The following ITGAE variants were observed in gnomAD, a reference collection of about 807,000 sequenced individuals.
ITGAE encodes the protein integrin subunit alpha E, also known as integrin alpha-E.
Under a neutral mutation model 136.5 loss-of-function variants are expected in ITGAE, and 99 were observed. The observed-to-expected ratio is 0.73, with a 90% confidence interval of 0.62 to 0.86. The LOEUF is 0.86. Among genes scored for constraint, ITGAE ranks in the 40% least tolerant of loss-of-function variants. The pLI is 0.00. For missense variants in ITGAE, 1,447 were observed against 1,515.3 expected, an observed-to-expected ratio of 0.95 and a Z score of 0.75; for synonymous variants, 613 against 591.8, an observed-to-expected ratio of 1.04 and a Z score of -0.52.
intron 12 of ITGAE, among the ~76,000 whole-genome samples, 165 bp downstream of exon 12, chr17:3,754,952 A>G (rs192871529): frequency 0.04 from 3,414 of 84,994 alleles, 179 homozygotes; most frequent in African/African-American, 0.097. Context: ...TCGCCCAGGT[A>G]GCCTCCAGGC....
chr17:3,729,721 A>G, intron 23 of ITGAE, 166 bp from the exon 24 acceptor site: 1 of 584,920 alleles, frequency 1.7e-6, no homozygotes, highest in Admixed American at 2.4e-5. Context: ...CAGCCTCCTG[A>G]GTAGCTGGAA....
At chr17:3,797,401 A>AG (rs2053145142) in intron 1 of ITGAE, among the ~76,000 whole-genome samples, 2 of 149,912 alleles carry the variant, frequency 1.3e-5, no homozygotes, top group African/African-American at 4.9e-5. Flanking sequence ...TCCTGACCTC[A>AG]TGATCTGCCC....
intron 1 of ITGAE, among the ~76,000 whole-genome samples, chr17:3,797,130 C>T (rs1356323318): frequency 6.9e-6 from 1 of 144,882 alleles, no homozygotes; most frequent in Non-Finnish European, 1.5e-5. Flanking sequence ...CTACTGTGTG[C>T]TGGAAACTAA....
At chr17:3,747,250 G>C (rs977331423) in intron 17 of ITGAE, among the ~76,000 whole-genome samples, 1 of 152,220 alleles carries the variant, frequency 6.6e-6, no homozygotes, top group African/African-American at 2.4e-5. Context: ...AGAAAGAGGA[G>C]GGTGTGTCTC....
At chr17:3,758,986 G>A (rs1240577767) in intron 8 of ITGAE, among the ~76,000 whole-genome samples, 3 of 151,870 alleles carry the variant, frequency 2.0e-5, no homozygotes, top group Non-Finnish European at 2.9e-5. Context: ...TTAACTGGGC[G>A]TGGTGGTGGC....
rs374610199 is a variant in ITGAE at position 3,750,399 on chromosome 17, G to A, written c.1977C>T (p.Gly659=). 9 of 1,614,190 alleles carry A rather than the reference G, an allele frequency of 5.6e-6. No individual in the cohort carries two copies. The highest frequency in any genetic ancestry group is 1.7e-5 in the Admixed American group (1 of 60,020). Residue 659 remains glycine (G), a synonymous_variant, in exon 16 of 31, where the codon GGC becomes GGT. Coordinates refer to ENST00000263087, the MANE Select transcript of ITGAE (RefSeq NM_002208.5). The part of the protein sequence containing the change: ...MAGGFDISGD[G]LADITVGTLG... ...GAGTGCCCACGGTGATGTCGGCAAG[G>A]CCGTCGCCACTAATATCAAAGCCAC...
intron 9 of ITGAE, among the ~76,000 whole-genome samples, 186 bp from the exon 10 acceptor site, chr17:3,757,320 A>C (rs1050701476): frequency 6.6e-6 from 1 of 151,950 alleles, no homozygotes; most frequent in Non-Finnish European, 1.5e-5. Flanking sequence ...ACCAAAGTAC[A>C]CCTGTTCTCC....
At chr17:3,767,476 A>G (rs1195092708) in intron 2 of ITGAE, among the ~76,000 whole-genome samples, 1 of 151,906 alleles carries the variant, frequency 6.6e-6, no homozygotes, top group Non-Finnish European at 1.5e-5. Context: ...CAGGTGATCC[A>G]CCCACCTCAG....
At chr17:3,726,840 C>T (rs1457307726) in intron 26 of ITGAE, 1 of 152,054 alleles carries the variant, frequency 6.6e-6, no homozygotes, top group Non-Finnish European at 1.5e-5. Flanking sequence ...ATTCTCCTAC[C>T]TCAGCCTCCC....
Position 3,739,802 on chromosome 17 carries a change from C to T in ITGAE, c.2522+3G>A, listed in dbSNP as rs771232079. ...AGGAAACTGACGGCTATGTCCAACT[C>T]ACTGAGAGACGGTGGTGGCCAACTG... On this transcript the variant is annotated splice_donor_region_variant and intron_variant, in intron 20 of 30. Transcript: ENST00000263087. 1 of 1,613,794 alleles carries T rather than the reference C, an allele frequency of 6.2e-7. No individual in the cohort carries two copies. The highest frequency in any genetic ancestry group is 8.5e-7 in the Non-Finnish European group (1 of 1,179,626).
intron 29 of ITGAE, among the ~76,000 whole-genome samples, chr17:3,718,581 CTG>C (rs2050985632): frequency 6.6e-6 from 1 of 152,186 alleles, no homozygotes; most frequent in Non-Finnish European, 1.5e-5. Flanking sequence ...CATAGAGTCA[CTG>C]TAAGTCAGGG....
At position 3,800,662 on chromosome 17, in the gene ITGAE, C is replaced by T. The variant is rs111767398; in HGVS notation, c.34+449G>A. ...ACACCCTCTACCATACAGACACTTG[C>T]CCCCAGTCTCTGGTCAACACTCTCT... On this transcript the variant is annotated intron_variant, in intron 1 of 30. Coordinates refer to ENST00000263087, the MANE Select transcript of ITGAE (RefSeq NM_002208.5). 7.1e-3 allele frequency among the ~76,000 whole-genome samples: 1,089 copies of T among 152,314 alleles called. 11 individuals carry two copies. Among genetic ancestry groups the T allele is most frequent in the African/African-American group, 0.024 (1,004 of 41,564 alleles).
At chr17:3,769,320 C>T (rs1468931756) in intron 2 of ITGAE, among the ~76,000 whole-genome samples, 4 of 152,184 alleles carry the variant, frequency 2.6e-5, no homozygotes, top group Non-Finnish European at 4.4e-5. Flanking sequence ...TGCAGCAGCC[C>T]TGACTATAGC....
intron 1 of ITGAE, among the ~76,000 whole-genome samples, chr17:3,780,353 G>T (rs1186280694): frequency 6.6e-6 from 1 of 151,972 alleles, no homozygotes; most frequent in African/African-American, 2.4e-5. Flanking sequence ...TAGTAGAGAG[G>T]GGGTTTCACC....
intron 1 of ITGAE, among the ~76,000 whole-genome samples, chr17:3,786,759 G>A (rs546590527): frequency 6.6e-5 from 10 of 151,868 alleles, no homozygotes; most frequent in East Asian, 1.9e-4. Context: ...GCGTGGTGGC[G>A]CACACCTGTA....
chr17:3,753,666 G>A, intron 13 of ITGAE, 117 bp downstream of exon 13: 1 of 1,348,334 alleles, frequency 7.4e-7, no homozygotes, highest in Non-Finnish European at 1.0e-6. Flanking sequence ...TCAGGAGCCT[G>A]AGTTTCACCC....
intron 1 of ITGAE, among the ~76,000 whole-genome samples, chr17:3,787,568 G>A (rs917757899): frequency 3.3e-5 from 5 of 152,214 alleles, no homozygotes; most frequent in African/African-American, 9.6e-5. Context: ...TGCTATGAGT[G>A]TCTTGCAGAC....
intron 1 of ITGAE, among the ~76,000 whole-genome samples, chr17:3,789,196 T>C (rs916639527): frequency 1.3e-5 from 2 of 151,946 alleles, no homozygotes; most frequent in African/African-American, 4.8e-5. Context: ...GCAGTGAGCC[T>C]TGATCACACC....
At chr17:3,777,968 C>T (rs1388509069) in intron 1 of ITGAE, among the ~76,000 whole-genome samples, 19 of 152,136 alleles carry the variant, frequency 1.2e-4, no homozygotes, top group African/African-American at 4.8e-5. Flanking sequence ...TGACACACAG[C>T]GTGTACTCAC....
Sources: gnomAD v4.1 joint callset for allele counts (sites outside exome capture counted in the v4.1 genomes callset) on GRCh38, gnomAD v4.1.1 for gene constraint, MANE v1.5 for transcripts, NCBI Gene and HGNC (gene_info 2026-07-23, HGNC 2026-07-21) for gene names.